TOMM40L: variants seen among roughly 807,000 people sequenced by gnomAD.
TOMM40L encodes mitochondrial import receptor subunit TOM40B.
Under a neutral mutation model 38.3 loss-of-function variants are expected in TOMM40L, and 17 were observed. The ratio of observed to expected loss-of-function variants is 0.44; its 90% CI spans 0.30 to 0.67. The LOEUF (loss-of-function observed/expected upper bound fraction) is 0.67, where lower values mean the gene tolerates loss of function less well. Among genes scored for constraint, TOMM40L ranks in the 30% least tolerant of loss-of-function variants. The pLI is 0.08. For synonymous variants in TOMM40L, 151 were observed against 150.2 expected (o/e 1.01, Z -0.04); for missense variants, 294 against 390.0 (o/e 0.75, Z 2.07).
In TOMM40L at chr1:161,230,054, A is replaced by G. The variant is rs996076110; in HGVS notation, c.*959A>G. The G allele has an allele frequency of 2.7e-6, 3 of 1,121,282 alleles. No individual in the cohort carries two copies. In the African/African-American group the frequency reaches 4.7e-5, roughly 17 times the overall value. The allele number at this position is 1,121,282 out of a possible 1,614,324, so 69.5% of individuals were successfully genotyped here. A position where few individuals can be genotyped will look rare whatever the true frequency, so the allele number is the denominator to read the frequency against. On this transcript the variant is annotated 3_prime_UTR_variant, in exon 10 of 10. Transcript: ENST00000367988. ...CCAGGTCTGAACATTAGAGAAAATCATGCTCTGGTATGACAGACTATCAGA... is the reference window on the plus strand; with the variant it reads ...CCAGGTCTGAACATTAGAGAAAATCGTGCTCTGGTATGACAGACTATCAGA...
Position 161,229,911 on chromosome 1 carries a change from C to G in TOMM40L, c.*816C>G, listed in dbSNP as rs776318584. 11 of 1,614,164 alleles carry G rather than the reference C, an allele frequency of 6.8e-6. No homozygotes were observed. Among genetic ancestry groups the G allele is most frequent in the South Asian group, 3.3e-5 (3 of 91,082 alleles). ...GGAGCTCAGCCAGCAGGCCTAGCAACTTCGCATACAGAAACCTTTGGAGGA... is the reference window on the plus strand; with the variant it reads ...GGAGCTCAGCCAGCAGGCCTAGCAAGTTCGCATACAGAAACCTTTGGAGGA... On this transcript the variant is annotated 3_prime_UTR_variant, in exon 10 of 10. Coordinates refer to ENST00000367988, the MANE Select transcript of TOMM40L (RefSeq NM_032174.6).
Position 161,228,711 on chromosome 1 carries a change from T to C in TOMM40L, c.685-4T>C. The C allele has an allele frequency of 6.2e-7, 1 of 1,614,188 alleles. No individual in the cohort carries two copies. Among genetic ancestry groups the C allele is most frequent in the South Asian group, 1.1e-5 (1 of 91,086 alleles). On this transcript the variant is annotated splice_region_variant and splice_polypyrimidine_tract_variant and intron_variant, in intron 8 of 9. Transcript: ENST00000367988. ...TCTCTCTCATCCTTGCCCATGGTTC[T>C]CAGGTTCAGGTTGGAGTGGAGTTTG...
Position 161,229,347 on chromosome 1 carries a change from T to A in TOMM40L, c.*252T>A. ...TCCCCATGCTCTTGTGGCTGTGGAC[T>A]AAGGGAGAAGGATTAAGGGGTATGG... On this transcript the variant is annotated 3_prime_UTR_variant, in exon 10 of 10. Transcript: ENST00000367988. 2 of 626,816 alleles carry A rather than the reference T, an allele frequency of 3.2e-6. No individual in the cohort carries two copies. Among genetic ancestry groups the A allele is most frequent in the Non-Finnish European group, 5.5e-6 (2 of 363,224 alleles). 38.8% of individuals were successfully genotyped at this position (626,816 alleles called of 1,614,324 possible). A position where few individuals can be genotyped will look rare whatever the true frequency, so the allele number is the denominator to read the frequency against.
chr1:161,227,478 TGAGA>T, intron 4 of TOMM40L, 128 bp downstream of exon 4: 2 of 1,072,726 alleles, frequency 1.9e-6, no homozygotes, highest in African/African-American at 1.6e-5. Context: ...CTTTTCTGAA[TGAGA>T]GAGGGTAGAG....
In TOMM40L at chr1:161,229,135, G is replaced by C. The variant is rs1210805245; in HGVS notation, c.*40G>C. 3 of 1,613,914 alleles carry C rather than the reference G, an allele frequency of 1.9e-6. No individual in the cohort carries two copies. On this transcript the variant is annotated 3_prime_UTR_variant, in exon 10 of 10. Coordinates refer to ENST00000367988, the MANE Select transcript of TOMM40L (RefSeq NM_032174.6). The stretch of plus-strand genomic sequence containing the variant: ...AGCCCCCACAGCAGCTGGAACCTCT[G>C]AGTCAGGTGCCCTAGGGCCAAAGAC...
intron 3 of TOMM40L, 40 bp downstream of exon 3, chr1:161,226,995 T>G: frequency 6.2e-7 from 1 of 1,610,116 alleles, no homozygotes; most frequent in Non-Finnish European, 8.5e-7. Context: ...TATTCCCCCT[T>G]TCCTGTCCCT....
chr1:161,228,131 G>A (rs41270855), intron 6 of TOMM40L, 55 bp from the exon 7 acceptor site: 326 of 1,574,962 alleles, frequency 2.1e-4, no homozygotes, highest in Non-Finnish European at 2.6e-4. Flanking sequence ...GAGTGAGGGA[G>A]CAGGTCTGGA....
Position 161,228,978 on chromosome 1 carries a change from T to G in TOMM40L, c.810T>G (p.Cys270Trp). ...VFRGLVDSNW[C>W]VGAVLEKKMP... ...CAGGCTTGGTGGATAGTAACTGGTG[T>G]GTAGGTGCTGTGCTGGAGAAGAAGA... The change falls in exon 10 of 10, where the codon TGT (cysteine) becomes TGG (tryptophan). Residue 270 changes from cysteine (C) to tryptophan (W), a missense_variant. Transcript: ENST00000367988. 1.2e-6 allele frequency: 2 copies of G among 1,614,120 alleles called. No homozygotes were observed. Among genetic ancestry groups the G allele is most frequent in the Non-Finnish European group, 1.7e-6 (2 of 1,180,020 alleles).
At chr1:161,227,790 CG>C in intron 5 of TOMM40L, 53 bp downstream of exon 5, 1 of 1,603,504 alleles carries the variant, frequency 6.2e-7, no homozygotes, top group East Asian at 2.2e-5. Context: ...TTCTCCTCCA[CG>C]GGTTTCCTGC....
In TOMM40L at chr1:161,229,768, G is replaced by C. The variant is rs1308466409; in HGVS notation, c.*673G>C. On this transcript the variant is annotated 3_prime_UTR_variant, in exon 10 of 10. Coordinates refer to ENST00000367988, the MANE Select transcript of TOMM40L (RefSeq NM_032174.6). ...CTCCAGTGTATCCAGGGTGTTCCAG[G>C]TGAGCTGGGGAAGGAAGTGAGCATG... is the stretch of plus-strand genomic sequence containing the variant. 6.2e-7 allele frequency: 1 copy of C among 1,614,206 alleles called. No homozygotes were observed. The highest frequency in any genetic ancestry group is 1.6e-4 in the Middle Eastern group (1 of 6,062).
chr1:161,228,260 C>G lies in TOMM40L; in HGVS notation c.559C>G (p.Arg187Gly), dbSNP rs1350609845. 1 of 1,606,822 alleles carries G rather than the reference C, an allele frequency of 6.2e-7. No individual in the cohort carries two copies. The highest frequency in any genetic ancestry group is 1.3e-5 in the African/African-American group (1 of 74,852). The change falls in exon 7 of 10, where the codon CGG (arginine) becomes GGG (glycine). Residue 187 changes from arginine to glycine, a missense_variant. Transcript: ENST00000367988. ...GGGAGGAGAGCTAGTTTATCACCGG[C>G]GGCCAGGCGAAGAGGGGGCCATCTT... ...VLGGELVYHR[R>G]PGEEGAILTL...
rs374245184 is a variant in TOMM40L, at chr1:161,228,720, G to T, written c.690G>T (p.Gln230His). The change falls in exon 9 of 10, where the codon CAG becomes CAT. Residue 230 changes from glutamine to histidine, a missense_variant. Gln to His is a conservative substitution (Grantham distance 24). Transcript: ENST00000367988. ...TCCTTGCCCATGGTTCTCAGGTTCAGGTTGGAGTGGAGTTTGAGGCAAACA... is the reference window on the plus strand; with the variant it reads ...TCCTTGCCCATGGTTCTCAGGTTCATGTTGGAGTGGAGTTTGAGGCAAACA... Reference protein sequence around the residue: ...SYYHRANEQVQVGVEFEANTR... With the variant: ...SYYHRANEQVHVGVEFEANTR... 1.2e-5 allele frequency: 19 copies of T among 1,614,040 alleles called. No homozygotes were observed. The Admixed American group carries it at 1.8e-4, about 16-fold the overall frequency.
Position 161,227,866 on chromosome 1 carries a change from C to T in TOMM40L, c.379-18C>T. On this transcript the variant is annotated intron_variant, in intron 5 of 9. Coordinates refer to ENST00000367988, the MANE Select transcript of TOMM40L (RefSeq NM_032174.6). Reference sequence around the variant, plus strand: ...ATAAAGAGGGAGGGAGATTTTACTTCTTGCTCTTGCCACCCAGACGCAGCA... The same window carrying T: ...ATAAAGAGGGAGGGAGATTTTACTTTTTGCTCTTGCCACCCAGACGCAGCA... 6.2e-7 allele frequency: 1 copy of T among 1,613,716 alleles called. No homozygotes were observed. The highest frequency in any genetic ancestry group is 8.5e-7 in the Non-Finnish European group (1 of 1,179,636).
rs139626673 is a variant in TOMM40L at position 161,226,596 on chromosome 1, T to C, written c.107T>C (p.Leu36Pro). Residue 36 changes from leucine (L) to proline (P), a missense_variant, in exon 2 of 10, where the codon CTA (leucine) becomes CCA (proline). Leu to Pro is a moderately conservative substitution (Grantham distance 98, BLOSUM62 -3). Coordinates refer to ENST00000367988, the MANE Select transcript of TOMM40L (RefSeq NM_032174.6). Reference protein sequence around the residue: ...NPGSFDELHRLCKDVFPAQME... With the variant: ...NPGSFDELHRPCKDVFPAQME... The stretch of plus-strand genomic sequence containing the variant: ...GGGAGCTTCGATGAGCTGCACCGTC[T>C]ATGCAAAGGTGAGAACTTGGCACTT... 4.2e-5 allele frequency: 68 copies of C among 1,613,926 alleles called. No individual in the cohort carries two copies. In the African/African-American group the frequency reaches 8.7e-4, roughly 21 times the overall value.
chr1:161,226,878 C>T lies in TOMM40L; in HGVS notation c.116-10C>T. 6.2e-7 allele frequency: 1 copy of T among 1,613,982 alleles called. No homozygotes were observed. The highest frequency in any genetic ancestry group is 1.1e-5 in the South Asian group (1 of 91,062). On this transcript the variant is annotated splice_polypyrimidine_tract_variant and intron_variant, in intron 2 of 9. Transcript: ENST00000367988. The stretch of plus-strand genomic sequence containing the variant: ...TGTGCTTATTCCTTCCCTTCCCCTA[C>T]CCCCTTCAGATGTATTCCCAGCACA...
rs1558102747 is a variant in TOMM40L at position 161,229,941 on chromosome 1, G to C, written c.*846G>C. The C allele has an allele frequency of 6.2e-7, 1 of 1,614,074 alleles. No homozygotes were observed. Among genetic ancestry groups the C allele is most frequent in the Non-Finnish European group, 8.5e-7 (1 of 1,179,968 alleles). ...CATACAGAAACCTTTGGAGGAAGTA[G>C]TGGGGTTGCCAGGAAAACAGGAGGG... On this transcript the variant is annotated 3_prime_UTR_variant, in exon 10 of 10. Coordinates refer to ENST00000367988, the MANE Select transcript of TOMM40L (RefSeq NM_032174.6).
Position 161,229,599 on chromosome 1 carries a change from TGCTTCCAGAGAACAA to T in TOMM40L, c.*505_*519del. ...GAGGTTTCCTCCTTCCCATCTTCTG[TGCTTCCAGAGAACAA>T]CTTTGTTCCTATGGTCACCCCCACT... On this transcript the variant is annotated 3_prime_UTR_variant, in exon 10 of 10. Transcript: ENST00000367988. 6.3e-7 allele frequency: 1 copy of T among 1,582,834 alleles called. No homozygotes were observed. Among genetic ancestry groups the T allele is most frequent in the South Asian group, 1.1e-5 (1 of 88,050 alleles).
Position 161,226,419 on chromosome 1 carries a change from G to A in TOMM40L, c.-71G>A, listed in dbSNP as rs1392081794. On this transcript the variant is annotated 5_prime_UTR_variant, in exon 2 of 10. Coordinates refer to ENST00000367988, the MANE Select transcript of TOMM40L (RefSeq NM_032174.6). ...AGCCGGATAATGGGGGGTGGGGCCC[G>A]TTGGGGGGTAAAGGGGCAATAGCGT... 2.2e-6 allele frequency: 3 copies of A among 1,378,968 alleles called. No homozygotes were observed. The highest frequency in any genetic ancestry group is 1.5e-5 in the African/African-American group (1 of 68,830). The allele number at this position is 1,378,968 out of a possible 1,614,324, so 85.4% of individuals were successfully genotyped here. A position where few individuals can be genotyped will look rare whatever the true frequency, so the allele number is the denominator to read the frequency against.
In TOMM40L at chr1:161,227,276, A is replaced by G. The variant is rs1666407412; in HGVS notation, c.202A>G (p.Met68Val). 1.2e-6 allele frequency: 2 copies of G among 1,614,102 alleles called. No homozygotes were observed. Among genetic ancestry groups the G allele is most frequent in the Non-Finnish European group, 1.7e-6 (2 of 1,180,006 alleles). Residue 68 changes from methionine to valine, a missense_variant, in exon 4 of 10, where the codon ATG becomes GTG. Met to Val is a conservative substitution (Grantham distance 21). Coordinates refer to ENST00000367988, the MANE Select transcript of TOMM40L (RefSeq NM_032174.6). ...TCCTCAGGTGGCGCACACTATACAC[A>G]TGAGTGCCCTGGGCTTGCCGGGATA... ...SHFQVAHTIH[M>V]SALGLPGYHL...
Sources: allele counts gnomAD v4.1 joint callset, GRCh38; gene constraint gnomAD v4.1.1; transcripts MANE v1.5; gene names NCBI Gene and HGNC (gene_info 2026-07-23, HGNC 2026-07-21).